KAZN: variants seen among roughly 807,000 people sequenced by gnomAD.
KAZN encodes kazrin.
A neutral mutation model predicts 87.4 loss-of-function variants in KAZN; 40 were observed. The ratio of observed to expected loss-of-function variants is 0.46; its 90% CI spans 0.36 to 0.60. KAZN has a LOEUF of 0.60. KAZN is among the 20% of genes least tolerant of loss of function. KAZN has a pLI of 0.00. For missense variants in KAZN, 898 were observed against 1,073.9 expected (o/e 0.84, Z 2.29); for synonymous variants, 466 against 458.3 (o/e 1.02, Z -0.22).
chr1:15,080,708 T>A (rs1327208268), intron 8 of KAZN, among the ~76,000 whole-genome samples: 9 of 152,228 alleles, frequency 5.9e-5, no homozygotes, highest in Non-Finnish European at 1.5e-5. Flanking sequence ...TGGAGCTACA[T>A]GTGCTGATGG....
At chr1:13,895,955 T>C (rs1639024588) in intron 1 of KAZN, among the ~76,000 whole-genome samples, 1 of 152,046 alleles carries the variant, frequency 6.6e-6, no homozygotes, top group Admixed American at 6.6e-5. Flanking sequence ...ACCCTTCTTA[T>C]ATGTTTTACA....
At chr1:14,438,095 C>CAAA (rs35260375) in intron 2 of KAZN, among the ~76,000 whole-genome samples, 1 of 134,054 alleles carries the variant, frequency 7.5e-6, no homozygotes, top group African/African-American at 2.7e-5. Context: ...TCCCTAAAGC[C>CAAA]AAAAAAAAAA....
chr1:14,309,320 A>C (rs1655130555), intron 2 of KAZN, among the ~76,000 whole-genome samples: 1 of 152,246 alleles, frequency 6.6e-6, no homozygotes, highest in South Asian at 2.1e-4. Context: ...ATTTATATTT[A>C]CTAGGTATAA....
At chr1:14,420,192 G>T (rs562594563) in intron 2 of KAZN, among the ~76,000 whole-genome samples, 3 of 151,984 alleles carry the variant, frequency 2.0e-5, no homozygotes, top group African/African-American at 4.8e-5. Context: ...TGATTGGTGC[G>T]TTTACAAACC....
intron 1 of KAZN, among the ~76,000 whole-genome samples, chr1:14,057,720 A>T (rs1642633015): frequency 6.6e-6 from 1 of 152,204 alleles, no homozygotes; most frequent in Admixed American, 6.5e-5. Context: ...ATTCATCCTT[A>T]TGTCTGGAAA....
At chr1:14,478,351 T>A (rs1356433020) in intron 2 of KAZN, among the ~76,000 whole-genome samples, 1 of 151,218 alleles carries the variant, frequency 6.6e-6, no homozygotes, top group African/African-American at 2.4e-5. Flanking sequence ...GGATGACAAG[T>A]GAATACACAG....
At chr1:14,173,903 A>G (rs771867275) in intron 1 of KAZN, among the ~76,000 whole-genome samples, 12 of 152,202 alleles carry the variant, frequency 7.9e-5, no homozygotes, top group Non-Finnish European at 1.8e-4. Context: ...ACAAAATAAG[A>G]GAGCTGCTTT....
At position 14,061,837 on chromosome 1, in the gene KAZN, G is replaced by T. The variant is rs1035708739; in HGVS notation, c.92-118598G>T. 3.3e-5 allele frequency among the ~76,000 whole-genome samples: 5 copies of T among 152,160 alleles called. No homozygotes were observed. The South Asian group carries it at 8.3e-4, about 25-fold the overall frequency. ...TCTGTGCGGAGTGGAGAATGGGTGT[G>T]AGAGTTGCGGACACAAAAAGAGAGA... On this transcript the variant is annotated intron_variant, in intron 1 of 16. Transcript: ENST00000636203.
intron 2 of KAZN, among the ~76,000 whole-genome samples, chr1:14,485,749 C>T (rs1463509146): frequency 2.6e-5 from 4 of 151,890 alleles, no homozygotes; most frequent in Admixed American, 6.6e-5. Flanking sequence ...AAAAATTAGC[C>T]GGGCATGCTG....
intron 2 of KAZN, among the ~76,000 whole-genome samples, chr1:14,577,576 C>T (rs1012890528): frequency 1.3e-5 from 2 of 152,086 alleles, no homozygotes; most frequent in African/African-American, 4.8e-5. Flanking sequence ...GAGATGGGAG[C>T]CCTTCTGGAA....
chr1:15,075,708 G>T (rs1046097318), intron 8 of KAZN, among the ~76,000 whole-genome samples: 1 of 152,190 alleles, frequency 6.6e-6, no homozygotes, highest in African/African-American at 2.4e-5. Context: ...CATCCACTTT[G>T]CTAAGAAAGG....
intron 1 of KAZN, among the ~76,000 whole-genome samples, chr1:14,612,418 T>G (rs971934358): frequency 6.6e-6 from 1 of 152,210 alleles, no homozygotes; most frequent in African/African-American, 2.4e-5. Context: ...ACACTTGACA[T>G]CTGAGCCTCA....
At chr1:14,585,757 G>A (rs1373349471) in intron 2 of KAZN, among the ~76,000 whole-genome samples, 1 of 152,212 alleles carries the variant, frequency 6.6e-6, no homozygotes, top group African/African-American at 2.4e-5. Flanking sequence ...TAGTCAAGGG[G>A]AATGAGGAGA....
chr1:14,224,659 G>A (rs1270549234), intron 2 of KAZN, among the ~76,000 whole-genome samples: 1 of 152,156 alleles, frequency 6.6e-6, no homozygotes, highest in African/African-American at 2.4e-5. Context: ...GACATAGTAG[G>A]GGATGGCTGT....
At chr1:14,224,562 G>T (rs1007771735) in intron 2 of KAZN, among the ~76,000 whole-genome samples, 1 of 152,068 alleles carries the variant, frequency 6.6e-6, no homozygotes, top group Non-Finnish European at 1.5e-5. Flanking sequence ...CTCTTTCAAG[G>T]AAAAAGAAGA....
At chr1:14,804,046 A>G (rs934905086) in intron 1 of KAZN, among the ~76,000 whole-genome samples, 1 of 152,002 alleles carries the variant, frequency 6.6e-6, no homozygotes, top group African/African-American at 2.4e-5. Flanking sequence ...TCCCATTCCA[A>G]TGCCTGCCAG....
At chr1:14,464,125 A>G (rs1171045097) in intron 2 of KAZN, among the ~76,000 whole-genome samples, 7 of 152,192 alleles carry the variant, frequency 4.6e-5, no homozygotes, top group Non-Finnish European at 1.0e-4. Context: ...ACATTAATCC[A>G]CGGTGGAACT....
rs1404620763 is a variant in KAZN, at chr1:14,206,001, C to T, written c.249+25409C>T. ...GAAGCCTGCATGTTGTGCACATGTA[C>T]CCTAAAACTTAAAGTATAATAAATA... On this transcript the variant is annotated intron_variant, in intron 2 of 16. Transcript: ENST00000636203. Among the ~76,000 whole-genome samples, 3 of 151,114 alleles carry T rather than the reference C, an allele frequency of 2.0e-5. No homozygotes were observed. In the East Asian group the frequency reaches 5.8e-4, roughly 29 times the overall value.
chr1:14,742,393 C>T (rs1381874613), intron 1 of KAZN, among the ~76,000 whole-genome samples: 2 of 152,236 alleles, frequency 1.3e-5, no homozygotes, highest in African/African-American at 2.4e-5. Flanking sequence ...CTTATTCATT[C>T]ATTGAGCAAC....
Sources: gnomAD v4.1 joint callset for allele counts (sites outside exome capture counted in the v4.1 genomes callset) on GRCh38, gnomAD v4.1.1 for gene constraint, MANE v1.5 for transcripts, NCBI Gene and HGNC (gene_info 2026-07-23, HGNC 2026-07-21) for gene names.